MROH2B: variants seen among roughly 807,000 people sequenced by gnomAD.
The protein encoded by MROH2B is maestro heat like repeat family member 2B, also known as maestro heat-like repeat-containing protein family member 2B.
Under a neutral mutation model 208.6 loss-of-function variants are expected in MROH2B, and 177 were observed. The ratio of observed to expected loss-of-function variants is 0.85; its 90% CI spans 0.75 to 0.96. MROH2B has a LOEUF of 0.96. Among genes scored for constraint, MROH2B ranks in the 40% least tolerant of loss-of-function variants. The probability of loss-of-function intolerance (pLI) is 0.00; values close to 1 mark genes in which losing one functional copy is unlikely to be tolerated. For synonymous variants in MROH2B, 728 were observed against 659.0 expected, an observed-to-expected ratio of 1.10 and a Z score of -1.60; for missense variants, 2,002 against 1,878.7, an observed-to-expected ratio of 1.07 and a Z score of -1.21.
Position 41,017,743 on chromosome 5 carries a change from A to G in MROH2B, c.2884+107T>C. On this transcript the variant is annotated intron_variant, in intron 28 of 41. Transcript: ENST00000399564. ...GGAGGAAAATGAGGAAAGAGGAGAGAGGAGAGGGGAGGAGGGAGAGAGACA... is the reference window on the plus strand; with the variant it reads ...GGAGGAAAATGAGGAAAGAGGAGAGGGGAGAGGGGAGGAGGGAGAGAGACA... The G allele has an allele frequency of 2.4e-6, 3 of 1,247,302 alleles. 1 individual carries two copies. The South Asian group carries it at 5.2e-5, about 21-fold the overall frequency. The allele number at this position is 1,247,302 out of a possible 1,614,324, so 77.3% of individuals were successfully genotyped here. A position where few individuals can be genotyped will look rare whatever the true frequency, so the allele number is the denominator to read the frequency against.
chr5:41,027,996 C>CT (rs1456843909), intron 24 of MROH2B, among the ~76,000 whole-genome samples: 1 of 150,370 alleles, frequency 6.7e-6, no homozygotes, highest in East Asian at 2.0e-4. Context: ...AATGAGAACA[C>CT]TTGGAAACAG....
rs72751673 is a variant in MROH2B at position 41,055,804 on chromosome 5, C to G, written c.971G>C (p.Ser324Thr). ...LMEFFDEQVRSNNEAIRVGIL... is the reference protein window; with the variant it reads ...LMEFFDEQVRTNNEAIRVGIL... ...TCCCACTCGAATGGCTTCATTATTA[C>G]TTCTTACTTGTTCATCAAAAAATTC... The change falls in exon 10 of 42, where the codon AGT becomes ACT. Residue 324 changes from serine (S) to threonine (T), a missense_variant. Coordinates refer to ENST00000399564, the MANE Select transcript of MROH2B (RefSeq NM_173489.5). The G allele has an allele frequency of 4.3e-6, 7 of 1,613,862 alleles. No individual in the cohort carries two copies. Among genetic ancestry groups the G allele is most frequent in the Non-Finnish European group, 5.9e-6 (7 of 1,179,838 alleles).
At chr5:41,010,601 A>G (rs1741743819) in intron 30 of MROH2B, among the ~76,000 whole-genome samples, 1 of 152,236 alleles carries the variant, frequency 6.6e-6, no homozygotes, top group Admixed American at 6.5e-5. Flanking sequence ...AAGAACACAG[A>G]TAAAGATGTA....
intron 31 of MROH2B, among the ~76,000 whole-genome samples, chr5:41,009,686 C>T (rs1741711732): frequency 6.6e-6 from 1 of 152,122 alleles, no homozygotes; most frequent in South Asian, 2.1e-4. Flanking sequence ...TTAATATTCT[C>T]TTATTCCTAT....
At chr5:41,066,066 A>G (rs555386557) in intron 3 of MROH2B, among the ~76,000 whole-genome samples, 1 of 152,286 alleles carries the variant, frequency 6.6e-6, no homozygotes, top group African/African-American at 2.4e-5. Context: ...ATCTGGTACC[A>G]TGAACACAAG....
At chr5:41,039,158 A>G (rs752512202) in intron 20 of MROH2B, among the ~76,000 whole-genome samples, 1 of 152,162 alleles carries the variant, frequency 6.6e-6, no homozygotes, top group African/African-American at 2.4e-5. Context: ...GGGAAAGCAG[A>G]GTATGCATGA....
chr5:41,043,027 A>G (rs1340134555), intron 18 of MROH2B, among the ~76,000 whole-genome samples: 1 of 152,230 alleles, frequency 6.6e-6, no homozygotes, highest in African/African-American at 2.4e-5. Context: ...AAACTGGCTA[A>G]TTGGTGGTCC....
At chr5:41,025,445 T>C (rs1313364904) in intron 24 of MROH2B, among the ~76,000 whole-genome samples, 2 of 152,072 alleles carry the variant, frequency 1.3e-5, no homozygotes, top group Non-Finnish European at 2.9e-5. Context: ...AAGAAATGGA[T>C]AAATTCCTGA....
intron 24 of MROH2B, among the ~76,000 whole-genome samples, chr5:41,020,311 A>G (rs1342131935): frequency 1.3e-5 from 2 of 152,152 alleles, no homozygotes; most frequent in Non-Finnish European, 2.9e-5. Context: ...TGTGACTTGC[A>G]TTGTATTTCT....
At chr5:41,014,587 A>AAAAC (rs199615808) in intron 29 of MROH2B, among the ~76,000 whole-genome samples, 5 of 152,130 alleles carry the variant, frequency 3.3e-5, no homozygotes, top group South Asian at 2.1e-4. Context: ...AAAATATAAT[A>AAAAC]AAACAAACAA....
intron 10 of MROH2B, among the ~76,000 whole-genome samples, chr5:41,055,178 T>C (rs1743407737): frequency 1.3e-5 from 2 of 152,220 alleles, no homozygotes; most frequent in Non-Finnish European, 1.5e-5. Context: ...GCTAACTGAA[T>C]GTTAAAAAAC....
chr5:41,017,529 C>A (rs566183599), intron 28 of MROH2B, among the ~76,000 whole-genome samples: 32 of 152,114 alleles, frequency 2.1e-4, no homozygotes, highest in Non-Finnish European at 4.1e-4. Context: ...GTGTTATTAT[C>A]TCTATTTTAA....
chr5:41,049,115 G>A lies in MROH2B; in HGVS notation c.1528C>T (p.Leu510=). The change falls in exon 15 of 42, where the codon CTG becomes TTG. Residue 510 remains leucine, a synonymous_variant. Transcript: ENST00000399564. ...AACTCACTCACCAGAAGTCTGGCCA[G>A]TAGCTGCTGTGGTGAAGGAAGTTTC... is the stretch of plus-strand genomic sequence containing the variant. ...AVKLPSPQQL[L]ARLLVISMPA... is the part of the protein sequence containing the mutation. 1 of 1,599,144 alleles carries A rather than the reference G, an allele frequency of 6.3e-7. No homozygotes were observed. The highest frequency in any genetic ancestry group is 8.5e-7 in the Non-Finnish European group (1 of 1,171,952).
intron 24 of MROH2B, among the ~76,000 whole-genome samples, chr5:41,030,747 G>A (rs1579930271): frequency 6.6e-6 from 1 of 152,128 alleles, no homozygotes; most frequent in East Asian, 1.9e-4. Flanking sequence ...AAACAGCATG[G>A]CACTGGTATA....
chr5:41,057,583 G>GTTTTTTT (rs1387914155), intron 7 of MROH2B, among the ~76,000 whole-genome samples: 6 of 4,958 alleles, frequency 1.2e-3, no homozygotes, highest in Admixed American at 6.0e-3. Flanking sequence ...TTGAGACGGA[G>GTTTTTTT]TCTTGTTCTG....
chr5:41,023,646 A>T (rs888920339), intron 24 of MROH2B, among the ~76,000 whole-genome samples: 25 of 152,330 alleles, frequency 1.6e-4, no homozygotes, highest in African/African-American at 5.5e-4. Context: ...CAATCTAGCA[A>T]GGCAGGCCAA....
intron 24 of MROH2B, among the ~76,000 whole-genome samples, chr5:41,025,617 C>T (rs1413986634): frequency 1.4e-4 from 22 of 152,120 alleles, no homozygotes; most frequent in Admixed American, 1.4e-3. Flanking sequence ...CAAGGAGGAG[C>T]CGGTACCATT....
chr5:41,033,113 G>C lies in MROH2B; in HGVS notation c.2289C>G (p.Gly763=). ...MSFTRSITEI[G]IAVQDAEDQG... is the part of the protein sequence containing the mutation. Reference sequence around the variant, plus strand: ...GATCCTCAGCATCTTGGACAGCAATGCCAATCTCAGTGATGCTTCTTGTGA... The same window carrying C: ...GATCCTCAGCATCTTGGACAGCAATCCCAATCTCAGTGATGCTTCTTGTGA... Residue 763 remains glycine, a synonymous_variant, in exon 23 of 42, where the codon GGC becomes GGG. Transcript: ENST00000399564. The C allele has an allele frequency of 6.2e-7, 1 of 1,613,008 alleles. No individual in the cohort carries two copies. Among genetic ancestry groups the C allele is most frequent in the Non-Finnish European group, 8.5e-7 (1 of 1,179,248 alleles).
chr5:41,028,513 C>T (rs1271233823), intron 24 of MROH2B, among the ~76,000 whole-genome samples: 2 of 152,226 alleles, frequency 1.3e-5, no homozygotes, highest in Admixed American at 1.3e-4. Context: ...TTCTCCATTT[C>T]TGTATATCTG....
Sources: allele counts gnomAD v4.1 joint callset (sites outside exome capture counted in the v4.1 genomes callset), GRCh38; gene constraint gnomAD v4.1.1; transcripts MANE v1.5; gene names NCBI Gene and HGNC (gene_info 2026-07-23, HGNC 2026-07-21).